EPDR1: variants seen among roughly 807,000 people sequenced by gnomAD.
The protein encoded by EPDR1 is mammalian ependymin-related protein 1.
EPDR1 carries 27 observed loss-of-function variants against 23.7 expected under a neutral mutation model. The observed-to-expected ratio is 1.14, with a 90% CI of 0.84 to 1.57. EPDR1 has a LOEUF of 1.57. Ranked by LOEUF, EPDR1 falls within the 40% of genes most tolerant of loss-of-function variation. EPDR1 has a pLI of 0.00. For missense variants in EPDR1, 349 were observed against 290.4 expected, an observed-to-expected ratio of 1.20 and a Z score of -1.47; for synonymous variants, 137 against 118.2, an observed-to-expected ratio of 1.16 and a Z score of -1.03.
intron 1 of EPDR1, among the ~76,000 whole-genome samples, chr7:37,948,348 T>G (rs916114693): frequency 2.0e-5 from 3 of 150,874 alleles, no homozygotes; most frequent in African/African-American, 7.4e-5. Context: ...CTCAATTTTT[T>G]TTTTTTTTTT....
intron 1 of EPDR1, among the ~76,000 whole-genome samples, chr7:37,924,398 A>T (rs1785775222): frequency 6.6e-6 from 1 of 152,144 alleles, no homozygotes; most frequent in Non-Finnish European, 1.5e-5. Flanking sequence ...GTTCTGTGCT[A>T]CCCCAACTGT....
At chr7:37,942,645 C>T (rs1013114499) in intron 1 of EPDR1, among the ~76,000 whole-genome samples, 1 of 152,068 alleles carries the variant, frequency 6.6e-6, no homozygotes, top group African/African-American at 2.4e-5. Context: ...TACATAAAGA[C>T]ATATTTAGAA....
At chr7:37,940,234 A>G (rs552965735) in intron 1 of EPDR1, among the ~76,000 whole-genome samples, 1 of 152,310 alleles carries the variant, frequency 6.6e-6, no homozygotes, top group African/African-American at 2.4e-5. Flanking sequence ...TTATTTTTTG[A>G]CAGGCATGCA....
chr7:37,951,066 T>TAG lies in EPDR1; in HGVS notation c.*674_*675dup, dbSNP rs1786396846. On this transcript the variant is annotated 3_prime_UTR_variant, in exon 3 of 3. Transcript: ENST00000199448. ...AAGAAACATTTTGAGCAAGGCAGTT[T>TAG]AGAGAATCCTAATGTCTACACTGGC... 1.3e-5 allele frequency: 2 copies of TAG among 152,250 alleles called. No homozygotes were observed. Among genetic ancestry groups the TAG allele is most frequent in the South Asian group, 4.1e-4 (2 of 4,832 alleles). The allele number at this position is 152,250 out of a possible 1,614,324, so 9.4% of individuals were successfully genotyped here. A position where few individuals can be genotyped will look rare whatever the true frequency, so the allele number is the denominator to read the frequency against.
At chr7:37,943,600 A>G (rs896141) in intron 1 of EPDR1, among the ~76,000 whole-genome samples, 151,240 of 152,366 alleles carry the variant, frequency 0.99, 75,066 homozygotes, top group East Asian at 1. Flanking sequence ...TTTTGAAAAC[A>G]AATTATATAG....
At chr7:37,923,221 G>A (rs1329429622) in intron 1 of EPDR1, among the ~76,000 whole-genome samples, 2 of 152,202 alleles carry the variant, frequency 1.3e-5, no homozygotes, top group Non-Finnish European at 2.9e-5. Flanking sequence ...AGCAAAAGTG[G>A]AAGTGAGAAC....
intron 1 of EPDR1, among the ~76,000 whole-genome samples, chr7:37,932,601 T>G (rs898780848): frequency 2.0e-5 from 3 of 152,214 alleles, no homozygotes; most frequent in Admixed American, 2.0e-4. Flanking sequence ...AGTTTATATT[T>G]CAACATGGTG....
rs368661878 is a variant in EPDR1, at chr7:37,951,197, C to T, written c.*801C>T. ...ACACAGGCAGTATTCTAAAATAGCA[C>T]TGAACAGGGAGTCAGGAGACTATTG... On this transcript the variant is annotated 3_prime_UTR_variant, in exon 3 of 3. Transcript: ENST00000199448. The T allele has an allele frequency of 6.6e-6, 1 of 152,192 alleles. No individual in the cohort carries two copies. 9.4% of individuals were successfully genotyped at this position (152,192 alleles called of 1,614,324 possible).
Position 37,920,963 on chromosome 7 carries a change from C to A in EPDR1, c.24C>A (p.Arg8=). ...CGATGCCAGGACGCGCTCCCCTCCG[C>A]ACCGTCCCGGGCGCCCTGGGTGCCT... MPGRAPL[R]TVPGALGAWL... Residue 8 remains arginine, a synonymous_variant, in exon 1 of 3, where the codon CGC becomes CGA. Coordinates refer to ENST00000199448, the MANE Select transcript of EPDR1 (RefSeq NM_017549.5). 1 of 1,580,992 alleles carries A rather than the reference C, an allele frequency of 6.3e-7. No individual in the cohort carries two copies. Among genetic ancestry groups the A allele is most frequent in the South Asian group, 1.2e-5 (1 of 86,650 alleles).
At chr7:37,943,856 G>C (rs1786219317) in intron 1 of EPDR1, among the ~76,000 whole-genome samples, 1 of 152,072 alleles carries the variant, frequency 6.6e-6, no homozygotes, top group Non-Finnish European at 1.5e-5. Context: ...TCTGTATGTG[G>C]GCAGAGCGGG....
chr7:37,943,281 C>G (rs140501609), intron 1 of EPDR1, among the ~76,000 whole-genome samples: 1 of 152,238 alleles, frequency 6.6e-6, no homozygotes, highest in Non-Finnish European at 1.5e-5. Flanking sequence ...ACAATTGCCT[C>G]TGTGACAGAG....
chr7:37,938,283 C>A (rs1786099503), intron 1 of EPDR1, among the ~76,000 whole-genome samples: 1 of 152,034 alleles, frequency 6.6e-6, no homozygotes, highest in Non-Finnish European at 1.5e-5. Context: ...AGCCACCACA[C>A]CCAGTGCCTT....
chr7:37,947,132 T>C (rs1404519015), intron 1 of EPDR1, among the ~76,000 whole-genome samples: 1 of 152,244 alleles, frequency 6.6e-6, no homozygotes, highest in African/African-American at 2.4e-5. Flanking sequence ...CTTCGAGTCC[T>C]GCAGGCTCCA....
intron 1 of EPDR1, among the ~76,000 whole-genome samples, chr7:37,946,060 C>T (rs887383877): frequency 2.6e-5 from 4 of 152,210 alleles, no homozygotes; most frequent in African/African-American, 9.7e-5. Context: ...TGATCTTGTT[C>T]CTTTTTATGG....
intron 1 of EPDR1, among the ~76,000 whole-genome samples, chr7:37,929,314 G>T (rs938485593): frequency 2.0e-5 from 3 of 152,154 alleles, no homozygotes; most frequent in Non-Finnish European, 4.4e-5. Context: ...AAGGCCAGGG[G>T]TTTTGTATGG....
chr7:37,931,763 A>G (rs1562858824), intron 1 of EPDR1, among the ~76,000 whole-genome samples: 2 of 152,100 alleles, frequency 1.3e-5, no homozygotes, highest in Admixed American at 6.5e-5. Context: ...AAGTGGCACA[A>G]TCTCGGCTCA....
At chr7:37,940,027 C>T (rs10951543) in intron 1 of EPDR1, among the ~76,000 whole-genome samples, 28,247 of 151,978 alleles carry the variant, frequency 0.19, 2,848 homozygotes, top group African/African-American at 0.26. Flanking sequence ...ATAGAAACAA[C>T]TCAATGTTTA....
intron 1 of EPDR1, among the ~76,000 whole-genome samples, chr7:37,925,603 C>T (rs750873398): frequency 6.6e-5 from 10 of 152,164 alleles, no homozygotes; most frequent in Non-Finnish European, 1.2e-4. Context: ...GTGGAGAGAG[C>T]AGGGGCATTC....
chr7:37,928,447 CTCT>C (rs1244045139), intron 1 of EPDR1, among the ~76,000 whole-genome samples: 39 of 152,080 alleles, frequency 2.6e-4, no homozygotes, highest in Non-Finnish European at 2.8e-4. Flanking sequence ...TCTCATTCTC[CTCT>C]TCTATTTAAA....
Sources: gnomAD v4.1 joint callset for allele counts (sites outside exome capture counted in the v4.1 genomes callset) on GRCh38, gnomAD v4.1.1 for gene constraint, MANE v1.5 for transcripts, NCBI Gene and HGNC (gene_info 2026-07-23, HGNC 2026-07-21) for gene names.